The following KIAA1549 variants were observed in gnomAD, a reference collection of about 807,000 sequenced individuals.
KIAA1549 encodes the protein KIAA1549, also known as UPF0606 protein KIAA1549.
Under a neutral mutation model 156.4 loss-of-function variants are expected in KIAA1549, and 70 were observed. That is an observed-to-expected ratio of 0.45 (90% CI 0.37 to 0.55). The LOEUF is 0.55. Ranked by LOEUF, KIAA1549 falls within the 20% of genes least tolerant of loss-of-function variation. The probability of loss-of-function intolerance (pLI) is 0.00; values close to 1 mark genes in which losing one functional copy is unlikely to be tolerated. For synonymous variants in KIAA1549, 1,103 were observed against 1,066.4 expected (o/e 1.03, Z -0.67); for missense variants, 2,428 against 2,540.9 (o/e 0.96, Z 0.96).
chr7:138,959,937 A>G (rs994810878), intron 1 of KIAA1549, among the ~76,000 whole-genome samples: 2 of 152,250 alleles, frequency 1.3e-5, no homozygotes, highest in Admixed American at 6.5e-5. Flanking sequence ...CTGGAGAGCA[A>G]AAGAGAGACT....
chr7:138,975,532 GATTAGCGCT>G (rs1814349897), intron 1 of KIAA1549, among the ~76,000 whole-genome samples: 1 of 152,152 alleles, frequency 6.6e-6, no homozygotes, highest in Admixed American at 6.5e-5. Flanking sequence ...GGGTTAATGA[GATTAGCGCT>G]AATCTCATTA....
intron 1 of KIAA1549, among the ~76,000 whole-genome samples, chr7:138,968,838 C>T (rs916059978): frequency 7.8e-6 from 1 of 127,734 alleles, no homozygotes; most frequent in African/African-American, 3.1e-5. Context: ...CCAGCTTGGG[C>T]GACAGAGCCA....
chr7:138,981,016 T>A lies in KIAA1549; in HGVS notation c.187+67A>T. 1.7e-6 allele frequency: 2 copies of A among 1,190,576 alleles called. No individual in the cohort carries two copies. Among genetic ancestry groups the A allele is most frequent in the Non-Finnish European group, 2.1e-6 (2 of 959,426 alleles). The allele number at this position is 1,190,576 out of a possible 1,614,324, so 73.8% of individuals were successfully genotyped here. A position where few individuals can be genotyped will look rare whatever the true frequency, so the allele number is the denominator to read the frequency against. On this transcript the variant is annotated intron_variant, in intron 1 of 19. Transcript: ENST00000422774. This position sits in a 1 kb window ranked among gnomAD's most constrained non-coding sequence, Gnocchi z 4.5. Reference sequence around the variant, plus strand: ...AGGATGGGCGGGGAAAGCCGGGGTTTTGAAAACAGCAGCGATAAAGGCAGG... The same window carrying A: ...AGGATGGGCGGGGAAAGCCGGGGTTATGAAAACAGCAGCGATAAAGGCAGG...
chr7:138,978,394 T>C (rs1814442325), intron 1 of KIAA1549, among the ~76,000 whole-genome samples: 2 of 152,218 alleles, frequency 1.3e-5, no homozygotes, highest in African/African-American at 4.8e-5. Context: ...GGATGGCTAA[T>C]CACTTAAGAG....
chr7:138,942,779 G>A (rs750142627), intron 1 of KIAA1549, among the ~76,000 whole-genome samples: 4 of 151,946 alleles, frequency 2.6e-5, no homozygotes, highest in Non-Finnish European at 5.9e-5. Flanking sequence ...GCATGGTGGC[G>A]GGCACCTGCA....
chr7:138,954,821 A>G (rs1328907165), intron 1 of KIAA1549, among the ~76,000 whole-genome samples: 1 of 152,178 alleles, frequency 6.6e-6, no homozygotes, highest in Non-Finnish European at 1.5e-5. Context: ...GAATGATCTC[A>G]GATCAGGTGG....
At chr7:138,899,353 G>A (rs1055143192) in intron 8 of KIAA1549, among the ~76,000 whole-genome samples, 1 of 152,150 alleles carries the variant, frequency 6.6e-6, no homozygotes, top group Non-Finnish European at 1.5e-5. Context: ...GCTTCATCTC[G>A]CTCTACATCT....
rs78484894 is a variant in KIAA1549 at position 138,912,041 on chromosome 7, C to A, written c.2967+331G>T. Among the ~76,000 whole-genome samples, 630 of 152,316 alleles carry A rather than the reference C, an allele frequency of 4.1e-3. 8 individuals are homozygous for A. The highest frequency in any genetic ancestry group is 0.015 in the African/African-American group (614 of 41,570). On this transcript the variant is annotated intron_variant, in intron 3 of 19. Transcript: ENST00000422774. ...TCTAACGTCTAATTTAAACACGAAT[C>A]CAAGTCCTTTCATGTGAATCAAGGG...
At chr7:138,895,237 C>A (rs1811651735) in intron 9 of KIAA1549, among the ~76,000 whole-genome samples, 1 of 152,180 alleles carries the variant, frequency 6.6e-6, no homozygotes, top group African/African-American at 2.4e-5. Context: ...TAGTGCCAAA[C>A]ACAAAGCAAA....
In KIAA1549 at chr7:138,894,361, T is replaced by C. The variant is rs762676936; in HGVS notation, c.4013A>G (p.Asn1338Ser). The change falls in exon 10 of 20, where the codon AAC (asparagine) becomes AGC (serine). Residue 1338 changes from asparagine to serine, a missense_variant. This residue lies in a region of KIAA1549 where 762 missense variants were observed against 901.6 expected (regional missense o/e 0.85). Coordinates refer to ENST00000422774, the MANE Select transcript of KIAA1549 (RefSeq NM_001164665.2). ...CGTTACCTTCTGACGCTGCTGAATGTTGGCCACAGTGTCAGGCTGAAAGTC... is the reference window on the plus strand; with the variant it reads ...CGTTACCTTCTGACGCTGCTGAATGCTGGCCACAGTGTCAGGCTGAAAGTC... ...KLDFQPDTVA[N>S]IQQRQKLQIP... 20 of 1,613,884 alleles carry C rather than the reference T, an allele frequency of 1.2e-5. No individual in the cohort carries two copies. In the South Asian group the frequency reaches 2.0e-4, roughly 16 times the overall value.
intron 13 of KIAA1549, among the ~76,000 whole-genome samples, chr7:138,870,165 G>A (rs1009918832): frequency 6.6e-6 from 1 of 151,952 alleles, no homozygotes; most frequent in Admixed American, 6.6e-5. Context: ...AAGCCTTCTA[G>A]GAGCGCCTTC....
At position 138,894,377 on chromosome 7, in the gene KIAA1549, G is replaced by C. The variant is rs1811625408; in HGVS notation, c.3997C>G (p.Pro1333Ala). 3.7e-6 allele frequency: 6 copies of C among 1,613,948 alleles called. No individual in the cohort carries two copies. The highest frequency in any genetic ancestry group is 2.2e-5 in the East Asian group (1 of 44,882). Residue 1333 changes from proline (P) to alanine (A), a missense_variant, in exon 10 of 20, where the codon CCT becomes GCT. Physicochemically the swap from Pro to Ala is conservative, Grantham distance 27. Coordinates refer to ENST00000422774, the MANE Select transcript of KIAA1549 (RefSeq NM_001164665.2). ...TGCTGAATGTTGGCCACAGTGTCAG[G>C]CTGAAAGTCTAGCTTGTCTGTGCGG... ...LCRTDKLDFQPDTVANIQQRQ... is the reference protein window; with the variant it reads ...LCRTDKLDFQADTVANIQQRQ...
At chr7:138,977,320 A>G (rs955370449) in intron 1 of KIAA1549, among the ~76,000 whole-genome samples, 1 of 152,248 alleles carries the variant, frequency 6.6e-6, no homozygotes, top group Non-Finnish European at 1.5e-5. Context: ...TTCACAGAAT[A>G]CAAATACAAA....
intron 1 of KIAA1549, among the ~76,000 whole-genome samples, chr7:138,929,600 T>C (rs1288451451): frequency 6.6e-6 from 1 of 152,224 alleles, no homozygotes; most frequent in Non-Finnish European, 1.5e-5. Context: ...TTTTCCAGAA[T>C]GTTCTTGACG....
Position 138,881,593 on chromosome 7 carries a change from T to C in KIAA1549, c.4033-9A>G, listed in dbSNP as rs774577473. 2.1e-5 allele frequency: 34 copies of C among 1,606,910 alleles called. No homozygotes were observed. The highest frequency in any genetic ancestry group is 9.4e-5 in the African/African-American group (7 of 74,624). On this transcript the variant is annotated splice_polypyrimidine_tract_variant and intron_variant, in intron 10 of 19. Coordinates refer to ENST00000422774, the MANE Select transcript of KIAA1549 (RefSeq NM_001164665.2). ...ACACTAGGGATCTGCAGCTGAAACA[T>C]ACACACACACAAACAAGATTGTTAA...
At chr7:138,872,546 T>C (rs925796531) in intron 12 of KIAA1549, among the ~76,000 whole-genome samples, 2 of 152,052 alleles carry the variant, frequency 1.3e-5, no homozygotes, top group African/African-American at 4.8e-5. Flanking sequence ...ACACTTTAAT[T>C]TTGAAAAAAG....
Position 138,916,810 on chromosome 7 carries a change from G to C in KIAA1549, c.2816C>G (p.Ala939Gly). 1.2e-6 allele frequency: 2 copies of C among 1,613,982 alleles called. No individual in the cohort carries two copies. Among genetic ancestry groups the C allele is most frequent in the Non-Finnish European group, 1.7e-6 (2 of 1,179,884 alleles). ...ACAAACATATGGCGGCTTGGCAGTA[G>C]CCAGTGTTGGTGTGTCGACTGTTGC... ...LEATVDTPTL[A>G]TAKPPYVCDI... The change falls in exon 2 of 20, where the codon GCT becomes GGT. Residue 939 changes from alanine (A) to glycine (G), a missense_variant. Physicochemically the swap from Ala to Gly is moderately conservative, Grantham distance 60. This residue lies in a region of KIAA1549 where 762 missense variants were observed against 901.6 expected (regional missense o/e 0.85). Coordinates refer to ENST00000422774, the MANE Select transcript of KIAA1549 (RefSeq NM_001164665.2).
chr7:138,855,200 G>A (rs1037603939), intron 16 of KIAA1549, among the ~76,000 whole-genome samples: 11 of 152,298 alleles, frequency 7.2e-5, no homozygotes, highest in Non-Finnish European at 1.3e-4. Flanking sequence ...CATCAGATGA[G>A]CCTTTCCCTT....
chr7:138,872,236 C>T (rs1364169615), intron 12 of KIAA1549, among the ~76,000 whole-genome samples: 1 of 151,978 alleles, frequency 6.6e-6, no homozygotes, highest in Non-Finnish European at 1.5e-5. Context: ...CAGGAGCCAC[C>T]GGGCCCGGCG....
Sources: gnomAD v4.1 joint callset for allele counts (sites outside exome capture counted in the v4.1 genomes callset) on GRCh38, gnomAD v4.1.1 for gene constraint, gnomAD v4.1.1 regional missense constraint, Gnocchi (gnomAD v3.1) non-coding constraint, MANE v1.5 for transcripts, NCBI Gene and HGNC (gene_info 2026-07-23, HGNC 2026-07-21) for gene names.